The following SLC4A4 variants were observed in gnomAD, a reference collection of about 807,000 sequenced individuals.
The protein encoded by SLC4A4 is electrogenic sodium bicarbonate cotransporter 1.
SLC4A4 carries 27 observed loss-of-function variants against 111.5 expected under a neutral mutation model. The ratio of observed to expected loss-of-function variants is 0.24; its 90% CI spans 0.18 to 0.33. The LOEUF is 0.33. SLC4A4 is among the 10% of genes least tolerant of loss of function. SLC4A4 has a pLI of 1.00. For synonymous variants in SLC4A4, 443 were observed against 463.4 expected, an observed-to-expected ratio of 0.96 and a Z score of 0.57; for missense variants, 909 against 1,315.5, an observed-to-expected ratio of 0.69 and a Z score of 4.78.
intron 20 of SLC4A4, among the ~76,000 whole-genome samples, chr4:71,554,524 T>C (rs974022573): frequency 6.6e-6 from 1 of 151,894 alleles, no homozygotes; most frequent in African/African-American, 2.4e-5. Flanking sequence ...TTTTAAAAGA[T>C]GTGTATTAAT....
intron 1 of SLC4A4, among the ~76,000 whole-genome samples, chr4:71,189,328 C>G (rs1392374636): frequency 2.6e-5 from 4 of 152,082 alleles, no homozygotes; most frequent in Non-Finnish European, 5.9e-5. Flanking sequence ...TCTTTTAGTT[C>G]ACGTAGTCAA....
intron 1 of SLC4A4, among the ~76,000 whole-genome samples, chr4:71,228,506 C>G (rs1042960062): frequency 6.6e-6 from 1 of 152,150 alleles, no homozygotes; most frequent in African/African-American, 2.4e-5. Flanking sequence ...CCTAAACTAA[C>G]TTCTGAAGTG....
In SLC4A4 at chr4:71,570,056, A is replaced by T. The variant is rs1185732470; in HGVS notation, c.*2305A>T. 6.6e-6 allele frequency: 1 copy of T among 151,742 alleles called. No individual in the cohort carries two copies. Among genetic ancestry groups the T allele is most frequent in the Non-Finnish European group, 1.5e-5 (1 of 67,824 alleles). The allele number at this position is 151,742 out of a possible 1,614,324, so 9.4% of individuals were successfully genotyped here. ...TTCTTTATGCATGGAAGCATCAATA[A>T]ATTGTTTAAAAACCATGTATAGTAA... On this transcript the variant is annotated 3_prime_UTR_variant, in exon 26 of 26. Transcript: ENST00000264485.
At chr4:71,352,015 A>G (rs1729886202) in intron 5 of SLC4A4, among the ~76,000 whole-genome samples, 1 of 152,180 alleles carries the variant, frequency 6.6e-6, no homozygotes. Flanking sequence ...GGATTATGGT[A>G]CCCAGGGAGA....
At chr4:71,318,083 A>G (rs1457164361) in intron 3 of SLC4A4, among the ~76,000 whole-genome samples, 3 of 152,058 alleles carry the variant, frequency 2.0e-5, no homozygotes, top group Non-Finnish European at 4.4e-5. Flanking sequence ...GTGGTGATGA[A>G]TTGAAAGAAT....
At chr4:71,459,864 G>C (rs1245689760) in intron 12 of SLC4A4, among the ~76,000 whole-genome samples, 1 of 151,974 alleles carries the variant, frequency 6.6e-6, no homozygotes, top group East Asian at 1.9e-4. Context: ...TTGTCGTTCT[G>C]TGGGTTGAAA....
chr4:71,091,214 T>C lies in SLC4A4; in HGVS notation c.-64-1516T>C, dbSNP rs555305563. Among the ~76,000 whole-genome samples the C allele has an allele frequency of 6.6e-5, 10 of 152,042 alleles. No individual in the cohort carries two copies. In the East Asian group the frequency reaches 1.4e-3, roughly 21 times the overall value. On this transcript the variant is annotated intron_variant, in intron 1 of 26. Transcript: ENST00000649996. ...CCACCCACCTTGGCCTTTCAAAGCA[T>C]TGGGTTTACAGGCGTGAGCCACTGT...
intron 3 of SLC4A4, among the ~76,000 whole-genome samples, chr4:71,312,512 G>A (rs531453200): frequency 6.6e-6 from 1 of 152,200 alleles, no homozygotes; most frequent in South Asian, 2.1e-4. Flanking sequence ...ACATTGAGGT[G>A]AAAATCCTCA....
At chr4:71,143,254 C>A (rs1455795123) in intron 2 of SLC4A4, among the ~76,000 whole-genome samples, 3 of 152,182 alleles carry the variant, frequency 2.0e-5, no homozygotes, top group African/African-American at 7.2e-5. Context: ...CAGCTTCATC[C>A]ATGTCCCTAC....
At chr4:71,281,268 G>A (rs1351213299) in intron 3 of SLC4A4, among the ~76,000 whole-genome samples, 7 of 152,142 alleles carry the variant, frequency 4.6e-5, no homozygotes, top group Admixed American at 1.3e-4. Context: ...TCTGCTTAAG[G>A]GCTGCAAATT....
intron 2 of SLC4A4, among the ~76,000 whole-genome samples, chr4:71,119,510 T>C (rs556751207): frequency 1.8e-4 from 28 of 152,262 alleles, no homozygotes; most frequent in African/African-American, 6.5e-4. Context: ...GCCTCCCAAG[T>C]TGCTGGGACT....
chr4:71,338,460 G>T (rs1360204410), intron 3 of SLC4A4, among the ~76,000 whole-genome samples: 1 of 151,926 alleles, frequency 6.6e-6, no homozygotes, highest in Non-Finnish European at 1.5e-5. Context: ...GTATTTGTGG[G>T]CCTTAAATTT....
intron 3 of SLC4A4, among the ~76,000 whole-genome samples, chr4:71,306,355 G>A (rs1250547998): frequency 6.6e-6 from 1 of 152,172 alleles, no homozygotes; most frequent in African/African-American, 2.4e-5. Context: ...GGCTGAGGCG[G>A]GTGGATCATG....
intron 2 of SLC4A4, among the ~76,000 whole-genome samples, chr4:71,167,072 T>C (rs1265311202): frequency 1.3e-5 from 2 of 152,158 alleles, no homozygotes; most frequent in Non-Finnish European, 2.9e-5. Flanking sequence ...GCTTGCTTAT[T>C]CTTCATAGTG....
Position 71,568,840 on chromosome 4 carries a change from G to T in SLC4A4, c.*1089G>T, listed in dbSNP as rs930648498. 2.6e-5 allele frequency: 4 copies of T among 152,000 alleles called. No homozygotes were observed. Among genetic ancestry groups the T allele is most frequent in the African/African-American group, 9.7e-5 (4 of 41,340 alleles). 9.4% of individuals were successfully genotyped at this position (152,000 alleles called of 1,614,324 possible). The stretch of plus-strand genomic sequence containing the variant: ...CAGATTAAAAACACCATGTTTCTAA[G>T]CATCCATTTTTCCCTTTCTTTAAAA... On this transcript the variant is annotated 3_prime_UTR_variant, in exon 26 of 26. Coordinates refer to ENST00000264485, the MANE Select transcript of SLC4A4 (RefSeq NM_001098484.3).
At chr4:71,384,568 G>A (rs559334564) in intron 6 of SLC4A4, among the ~76,000 whole-genome samples, 62 of 151,228 alleles carry the variant, frequency 4.1e-4, no homozygotes, top group African/African-American at 1.5e-3. Context: ...CTTGAACCCA[G>A]GAGGTTGCAG....
intron 6 of SLC4A4, among the ~76,000 whole-genome samples, chr4:71,360,275 G>A (rs1208916460): frequency 6.6e-6 from 1 of 151,976 alleles, no homozygotes; most frequent in African/African-American, 2.4e-5. Flanking sequence ...CCTTGAAATG[G>A]GCTGTTATGG....
At chr4:71,316,823 C>T (rs1196772045) in intron 3 of SLC4A4, among the ~76,000 whole-genome samples, 2 of 151,974 alleles carry the variant, frequency 1.3e-5, no homozygotes, top group African/African-American at 4.8e-5. Context: ...TCTGTTCCTG[C>T]GTTAGTTTGC....
At chr4:71,257,665 A>G (rs2149063994) in intron 3 of SLC4A4, among the ~76,000 whole-genome samples, 1 of 152,306 alleles carries the variant, frequency 6.6e-6, no homozygotes, top group East Asian at 1.9e-4. Context: ...GCCACATAAC[A>G]GTTTCTGTTG....
Sources: allele counts gnomAD v4.1 joint callset (sites outside exome capture counted in the v4.1 genomes callset), GRCh38; gene constraint gnomAD v4.1.1; transcripts MANE v1.5; gene names NCBI Gene and HGNC (gene_info 2026-07-23, HGNC 2026-07-21).